ANKRD36B: variants seen among roughly 807,000 people sequenced by gnomAD.
ANKRD36B encodes the protein ankyrin repeat domain-containing protein 36B.
In ANKRD36B, 37 loss-of-function variants were observed where a neutral mutation model predicts 135.7. That is an observed-to-expected ratio of 0.27 (90% confidence interval 0.21 to 0.36). The LOEUF is 0.36. Among genes scored for constraint, ANKRD36B ranks in the 10% least tolerant of loss-of-function variants. The pLI, the probability that ANKRD36B is intolerant of heterozygous loss-of-function variation, is 1.00. For synonymous variants in ANKRD36B, 179 were observed against 348.1 expected, an observed-to-expected ratio of 0.51 and a Z score of 5.41; for missense variants, 549 against 1,037.1, an observed-to-expected ratio of 0.53 and a Z score of 6.46.
At chr2:97,569,117 G>GT (rs966913114) in intron 6 of ANKRD36B, among the ~76,000 whole-genome samples, 20 of 152,274 alleles carry the variant, frequency 1.3e-4, no homozygotes, top group African/African-American at 4.8e-4. Context: ...GGATGATCCA[G>GT]TTAGTGCTGT....
Position 97,525,349 on chromosome 2 carries a change from T to C in ANKRD36B, c.2266-1882A>G, listed in dbSNP as rs1448998534. 9.3e-5 allele frequency among the ~76,000 whole-genome samples: 9 copies of C among 96,840 alleles called. 4 individuals carry two copies. Among genetic ancestry groups the C allele is most frequent in the Non-Finnish European group, 2.5e-4 (9 of 36,416 alleles). The allele number at this position is 96,840 out of a possible 152,430, so 63.5% of individuals were successfully genotyped here. On this transcript the variant is annotated intron_variant, in intron 35 of 43. Transcript: ENST00000359901. ...TTTTCCTAATATTACTAACTAATGATTAGGCAAACTTTAAATTATTAGGAG... is the reference window on the plus strand; with the variant it reads ...TTTTCCTAATATTACTAACTAATGACTAGGCAAACTTTAAATTATTAGGAG...
In ANKRD36B at chr2:97,550,914, G is replaced by A. The variant is rs1015787343; in HGVS notation, c.1375+375C>T. The stretch of plus-strand genomic sequence containing the variant: ...CAGTGTCTATGGGTTATTATGAACA[G>A]TTTTCTGTCTGTTTTTAGCACTACG... On this transcript the variant is annotated intron_variant, in intron 18 of 43. Transcript: ENST00000359901. Among the ~76,000 whole-genome samples the A allele has an allele frequency of 2.6e-5, 4 of 151,996 alleles. No homozygotes were observed. In the East Asian group the frequency reaches 5.8e-4, roughly 22 times the overall value.
intron 8 of ANKRD36B, among the ~76,000 whole-genome samples, chr2:97,560,099 A>G: frequency 6.6e-6 from 1 of 151,844 alleles, no homozygotes; most frequent in East Asian, 1.9e-4. Flanking sequence ...TTTTATGCAA[A>G]TATTCCAAAT....
chr2:97,510,881 CTACAT>C (rs1460916566), intron 39 of ANKRD36B, among the ~76,000 whole-genome samples: 1 of 151,584 alleles, frequency 6.6e-6, no homozygotes, highest in African/African-American at 2.4e-5. Flanking sequence ...CAGTATAAGA[CTACAT>C]TATTAATGTT....
At chr2:97,568,399 GGATCCCT>G (rs1397208795) in intron 6 of ANKRD36B, among the ~76,000 whole-genome samples, 1 of 152,100 alleles carries the variant, frequency 6.6e-6, no homozygotes, top group African/African-American at 2.4e-5. Flanking sequence ...GTAGGGTCAA[GGATCCCT>G]GCAAAGACTT....
Position 97,528,423 on chromosome 2 carries a change from T to C in ANKRD36B, c.2265+3888A>G, listed in dbSNP as rs2078348625. Among the ~76,000 whole-genome samples, 2 of 94,278 alleles carry C rather than the reference T, an allele frequency of 2.1e-5. 1 individual carries two copies. 61.9% of individuals were successfully genotyped at this position (94,278 alleles called of 152,430 possible). A position where few individuals can be genotyped will look rare whatever the true frequency, so the allele number is the denominator to read the frequency against. Reference sequence around the variant, plus strand: ...AAAGCAGTGTACAGTGGGAAATTTATAGCACTAAATGCCCACAAGAGAAAG... The same window carrying C: ...AAAGCAGTGTACAGTGGGAAATTTACAGCACTAAATGCCCACAAGAGAAAG... On this transcript the variant is annotated intron_variant, in intron 35 of 43. Transcript: ENST00000359901.
chr2:97,573,014 T>C (rs1193912467), intron 6 of ANKRD36B, among the ~76,000 whole-genome samples: 2 of 151,940 alleles, frequency 1.3e-5, no homozygotes, highest in African/African-American at 2.4e-5. Context: ...CTGCACCCAT[T>C]AACTCATCAT....
chr2:97,549,887 T>C (rs1284038197), intron 18 of ANKRD36B, among the ~76,000 whole-genome samples: 4 of 151,996 alleles, frequency 2.6e-5, no homozygotes, highest in Non-Finnish European at 4.4e-5. Flanking sequence ...TCAATGTGCA[T>C]AGGCCAAGTG....
At chr2:97,547,843 C>T (rs2079626111) in intron 20 of ANKRD36B, 112 bp from the exon 21 acceptor site, 2 of 1,434,160 alleles carry the variant, frequency 1.4e-6, no homozygotes, top group South Asian at 1.2e-5. Flanking sequence ...TTAGCATAGG[C>T]TTTGATGGCT....
intron 6 of ANKRD36B, among the ~76,000 whole-genome samples, chr2:97,571,078 G>A (rs941461636): frequency 6.6e-6 from 1 of 152,160 alleles, no homozygotes; most frequent in East Asian, 1.9e-4. Context: ...ATAAAAATTT[G>A]AGAATATGGA....
chr2:97,571,225 T>A (rs1436610881), intron 6 of ANKRD36B, among the ~76,000 whole-genome samples: 1 of 152,132 alleles, frequency 6.6e-6, no homozygotes, highest in Non-Finnish European at 1.5e-5. Context: ...GCACCTGTAG[T>A]CCCAACTACT....
chr2:97,579,095 G>C (rs2082413485), intron 4 of ANKRD36B, 52 bp from the exon 5 acceptor site: 2 of 1,519,024 alleles, frequency 1.3e-6, no homozygotes, highest in East Asian at 2.4e-5. Context: ...TAAAAGCTAA[G>C]TTTATATACT....
intron 1 of ANKRD36B, among the ~76,000 whole-genome samples, chr2:97,586,025 T>C (rs372411743): frequency 2.6e-5 from 4 of 152,226 alleles, no homozygotes; most frequent in Non-Finnish European, 5.9e-5. Flanking sequence ...TTTTAAACAT[T>C]ATCTTATCGA....
chr2:97,551,108 C>T (rs890771083), intron 18 of ANKRD36B, among the ~76,000 whole-genome samples, 181 bp downstream of exon 18: 2 of 151,818 alleles, frequency 1.3e-5, no homozygotes, highest in Non-Finnish European at 2.9e-5. Context: ...TATAATCTTA[C>T]AGCCAAGATC....
chr2:97,569,985 C>A (rs918568495), intron 6 of ANKRD36B, among the ~76,000 whole-genome samples: 4 of 151,794 alleles, frequency 2.6e-5, no homozygotes, highest in African/African-American at 9.7e-5. Context: ...CAAAACTGAA[C>A]CATCTACATA....
chr2:97,539,763 T>C lies in ANKRD36B; in HGVS notation c.1987+271A>G, dbSNP rs1248532968. 1.5e-5 allele frequency: 3 copies of C among 197,842 alleles called. 1 individual carries two copies. The East Asian group carries it at 1.8e-4, about 12-fold the overall frequency. The allele number at this position is 197,842 out of a possible 1,614,324, so 12.3% of individuals were successfully genotyped here. On this transcript the variant is annotated intron_variant, in intron 30 of 43. Transcript: ENST00000359901. ...ATGCTGTAGAATTAAAGCAAAATTATGCTGTCCCCTGAGCCCCTTATGTCT... is the reference window on the plus strand; with the variant it reads ...ATGCTGTAGAATTAAAGCAAAATTACGCTGTCCCCTGAGCCCCTTATGTCT...
rs1284892212 is a variant in ANKRD36B, at chr2:97,553,499, T to G, written c.1172-128A>C. On this transcript the variant is annotated intron_variant, in intron 14 of 43. Coordinates refer to ENST00000359901, the MANE Select transcript of ANKRD36B (RefSeq NM_001393939.1). ...AGTGTAGGCTTTGATGTTTTCTACT[T>G]TATGTCTTAAGCCAGGAGCATGACA... is the stretch of plus-strand genomic sequence containing the variant. The G allele has an allele frequency of 1.6e-5, 19 of 1,200,180 alleles. No homozygotes were observed. In the East Asian group the frequency reaches 4.1e-4, roughly 26 times the overall value. The allele number at this position is 1,200,180 out of a possible 1,614,324, so 74.3% of individuals were successfully genotyped here.
intron 18 of ANKRD36B, among the ~76,000 whole-genome samples, chr2:97,550,455 T>C (rs2079940272): frequency 6.6e-6 from 1 of 151,950 alleles, no homozygotes; most frequent in Non-Finnish European, 1.5e-5. Flanking sequence ...AATTTATGCC[T>C]CTAAAATAGC....
At position 97,535,483 on chromosome 2, in the gene ANKRD36B, TAAAAC is replaced by T. The variant is rs1559132907; in HGVS notation, c.2191+812_2191+816del. ...CTCATTAAAATTAAAAACAAAAAAA[TAAAAC>T]ACACACACACACACACACACACACA... On this transcript the variant is annotated intron_variant, in intron 34 of 43. Transcript: ENST00000359901. 4.0e-5 allele frequency among the ~76,000 whole-genome samples: 3 copies of T among 75,692 alleles called. 1 individual carries two copies. Among genetic ancestry groups the T allele is most frequent in the Non-Finnish European group, 9.0e-5 (3 of 33,306 alleles). 49.7% of individuals were successfully genotyped at this position (75,692 alleles called of 152,430 possible). A position where few individuals can be genotyped will look rare whatever the true frequency, so the allele number is the denominator to read the frequency against.
Sources: allele counts gnomAD v4.1 joint callset (sites outside exome capture counted in the v4.1 genomes callset), GRCh38; gene constraint gnomAD v4.1.1; transcripts MANE v1.5; gene names NCBI Gene and HGNC (gene_info 2026-07-23, HGNC 2026-07-21).